SHISA9: variants seen among roughly 807,000 people sequenced by gnomAD.
SHISA9 encodes the protein protein shisa-9.
A neutral mutation model predicts 38.0 loss-of-function variants in SHISA9; 13 were observed. That is an observed-to-expected ratio of 0.34 (90% confidence interval 0.22 to 0.54). The LOEUF (loss-of-function observed/expected upper bound fraction) is 0.54, where lower values mean the gene tolerates loss of function less well. Ranked by LOEUF, SHISA9 falls within the 20% of genes least tolerant of loss-of-function variation. The pLI is 0.91. For synonymous variants in SHISA9, 275 were observed against 242.0 expected (o/e 1.14, Z -1.27); for missense variants, 538 against 575.8 (o/e 0.93, Z 0.67).
At chr16:12,999,535 TAAC>T (rs2072498771) in intron 2 of SHISA9, among the ~76,000 whole-genome samples, 1 of 152,212 alleles carries the variant, frequency 6.6e-6, no homozygotes, top group Non-Finnish European at 1.5e-5. Context: ...GTTTTTATCT[TAAC>T]AACTGCCAAA....
chr16:13,179,761 A>T lies in SHISA9; in HGVS notation c.692-23633A>T, dbSNP rs12185170. 5.5e-3 allele frequency among the ~76,000 whole-genome samples: 843 copies of T among 152,386 alleles called. 2 individuals carry two copies. The highest frequency in any genetic ancestry group is 9.2e-3 in the Non-Finnish European group (629 of 68,034). Reference sequence around the variant, plus strand: ...AATCTATGACCCCATGAGAAAATTAAAGGATGAGATGGGGCCATTGAATGG... The same window carrying T: ...AATCTATGACCCCATGAGAAAATTATAGGATGAGATGGGGCCATTGAATGG... On this transcript the variant is annotated intron_variant, in intron 2 of 4. Transcript: ENST00000558583.
chr16:13,296,397 T>C, the SHISA9 span, among the ~76,000 whole-genome samples: 4 of 152,004 alleles, frequency 2.6e-5, no homozygotes, highest in South Asian at 8.3e-4. Flanking sequence ...TGTTATTTGC[T>C]GTGCGTGCTG....
At chr16:12,940,014 G>A (rs796842397) in intron 2 of SHISA9, among the ~76,000 whole-genome samples, 16 of 152,280 alleles carry the variant, frequency 1.1e-4, no homozygotes, top group African/African-American at 1.2e-4. Flanking sequence ...TCCAACCAAC[G>A]AATTCTTACT....
intron 2 of SHISA9, among the ~76,000 whole-genome samples, chr16:13,080,353 A>T (rs901651876): frequency 3.9e-5 from 6 of 152,216 alleles, no homozygotes; most frequent in African/African-American, 1.4e-4. Flanking sequence ...AGCCTGGGCG[A>T]TAGAGTGAGA....
intron 2 of SHISA9, among the ~76,000 whole-genome samples, chr16:12,958,461 C>G (rs982584489): frequency 1.3e-5 from 2 of 152,100 alleles, no homozygotes; most frequent in Admixed American, 6.5e-5. Context: ...TTTGGCATGC[C>G]AGGAGGAAAT....
At chr16:13,134,689 C>T (rs1004336776) in intron 2 of SHISA9, among the ~76,000 whole-genome samples, 2 of 151,970 alleles carry the variant, frequency 1.3e-5, no homozygotes, top group Admixed American at 1.3e-4. Context: ...GGGCTTTATG[C>T]CTCGTAGTTG....
At chr16:13,094,281 C>T (rs1235035902) in intron 2 of SHISA9, among the ~76,000 whole-genome samples, 1 of 152,174 alleles carries the variant, frequency 6.6e-6, no homozygotes, top group Admixed American at 6.5e-5. Context: ...CAGGCAACTT[C>T]CCATCCTTGG....
At chr16:13,437,531 G>A in the SHISA9 span, among the ~76,000 whole-genome samples, 81 of 152,260 alleles carry the variant, frequency 5.3e-4, no homozygotes, top group African/African-American at 1.9e-3. Flanking sequence ...AGAGAAGCCC[G>A]GATGAGACCC....
intron 2 of SHISA9, among the ~76,000 whole-genome samples, chr16:13,043,943 A>G (rs1433229238): frequency 2.0e-5 from 3 of 152,042 alleles, no homozygotes; most frequent in African/African-American, 7.2e-5. Context: ...TTGATTATCT[A>G]TATTGCTTCA....
chr16:13,244,056 C>G (rs552277595), downstream of SHISA9, among the ~76,000 whole-genome samples: 2 of 152,160 alleles, frequency 1.3e-5, no homozygotes, highest in Non-Finnish European at 2.9e-5. Flanking sequence ...CAGGCCTGAG[C>G]CACCATGGCT....
chr16:13,213,113 C>T, intron 3 of SHISA9, 140 bp from the exon 4 acceptor site: 1 of 678,274 alleles, frequency 1.5e-6, no homozygotes, highest in East Asian at 2.7e-5. Context: ...GCTCCCTTCC[C>T]TGTTCCCTGG....
intron 2 of SHISA9, among the ~76,000 whole-genome samples, chr16:13,175,428 C>A (rs921519008): frequency 6.6e-6 from 1 of 151,992 alleles, no homozygotes; most frequent in Admixed American, 6.6e-5. Context: ...TCCCTATGTT[C>A]CAGAGATGCT....
At chr16:13,093,408 G>T (rs1288365895) in intron 2 of SHISA9, among the ~76,000 whole-genome samples, 2 of 152,192 alleles carry the variant, frequency 1.3e-5, no homozygotes, top group Non-Finnish European at 1.5e-5. Flanking sequence ...TTATCTTGCA[G>T]GGATTTAGAT....
chr16:12,971,881 T>C (rs1209481008), intron 2 of SHISA9, among the ~76,000 whole-genome samples: 1 of 152,328 alleles, frequency 6.6e-6, no homozygotes, highest in South Asian at 2.1e-4. Context: ...TTTAGCTTTC[T>C]CTTTAGAGAA....
chr16:13,166,363 T>C (rs2050635675), intron 2 of SHISA9, among the ~76,000 whole-genome samples: 1 of 152,220 alleles, frequency 6.6e-6, no homozygotes, highest in Non-Finnish European at 1.5e-5. Context: ...ATAAAGCAGA[T>C]CAGTTCATGT....
At chr16:13,481,044 C>G in the SHISA9 span, among the ~76,000 whole-genome samples, 1 of 152,182 alleles carries the variant, frequency 6.6e-6, no homozygotes, top group African/African-American at 2.4e-5. Flanking sequence ...ACACACCCAA[C>G]CACAAAGCTG....
chr16:13,085,173 A>G (rs907893283), intron 2 of SHISA9, among the ~76,000 whole-genome samples: 3 of 152,178 alleles, frequency 2.0e-5, no homozygotes, highest in Non-Finnish European at 2.9e-5. Context: ...TGCAGACTCA[A>G]CTGGCATGGC....
intron 2 of SHISA9, among the ~76,000 whole-genome samples, chr16:13,073,003 C>G (rs2073536584): frequency 6.6e-6 from 1 of 152,172 alleles, no homozygotes; most frequent in Non-Finnish European, 1.5e-5. Flanking sequence ...TTTGCCCAGG[C>G]TGGTCTTGAA....
At chr16:13,287,980 C>T in the SHISA9 span, among the ~76,000 whole-genome samples, 5 of 151,888 alleles carry the variant, frequency 3.3e-5, no homozygotes, top group Non-Finnish European at 5.9e-5. Context: ...TGTGGATGGA[C>T]GAGGAGCTTT....
Sources: gnomAD v4.1 joint callset for allele counts (sites outside exome capture counted in the v4.1 genomes callset) on GRCh38, gnomAD v4.1.1 for gene constraint, MANE v1.5 for transcripts, NCBI Gene and HGNC (gene_info 2026-07-23, HGNC 2026-07-21) for gene names.